Variants in CCDC171 observed in about 807,000 individuals in gnomAD.
CCDC171 encodes the protein coiled-coil domain containing 171.
In CCDC171, 177 loss-of-function variants were observed where a neutral mutation model predicts 168.2. The ratio of observed to expected loss-of-function variants is 1.05; its 90% CI spans 0.93 to 1.19. The LOEUF (loss-of-function observed/expected upper bound fraction) is 1.19. CCDC171 is among the 50% of genes most tolerant of loss of function. The pLI is 0.00. For synonymous variants in CCDC171, 687 were observed against 540.8 expected (o/e 1.27, Z -3.75); for missense variants, 1,991 against 1,539.0 (o/e 1.29, Z -4.91).
At chr9:15,624,157 A>C (rs1253737833) in intron 7 of CCDC171, among the ~76,000 whole-genome samples, 2 of 152,152 alleles carry the variant, frequency 1.3e-5, no homozygotes. Flanking sequence ...AGCAATAAGG[A>C]TTATAACTTT....
downstream of CCDC171, among the ~76,000 whole-genome samples, chr9:16,065,380 C>A (rs1347339842): frequency 6.6e-6 from 1 of 152,070 alleles, no homozygotes; most frequent in Non-Finnish European, 1.5e-5. Context: ...CACCTCGGGG[C>A]TAATGGGAGA....
At chr9:15,807,317 G>A (rs1426427471) in intron 21 of CCDC171, among the ~76,000 whole-genome samples, 2 of 152,204 alleles carry the variant, frequency 1.3e-5, no homozygotes, top group African/African-American at 2.4e-5. Flanking sequence ...CAGAGTTCTT[G>A]CATTGGCTCT....
intron 18 of CCDC171, among the ~76,000 whole-genome samples, chr9:15,747,578 T>C (rs1326936911): frequency 6.6e-6 from 1 of 152,210 alleles, no homozygotes; most frequent in Admixed American, 6.5e-5. Flanking sequence ...CTTGCTGTTT[T>C]GCAGCCTCCG....
exon 6 of CCDC171, chr9:16,022,864 C>A (rs1237738534): frequency 1.3e-5 from 2 of 152,234 alleles, no homozygotes; most frequent in Non-Finnish European, 2.9e-5. Context: ...AGTGCAAAAC[C>A]TCAGGGTGCT....
chr9:16,020,652 C>G (rs1239713488), exon 4 of CCDC171: 1 of 154,386 alleles, frequency 6.5e-6, no homozygotes, highest in Non-Finnish European at 1.5e-5. Context: ...AACACAAGTA[C>G]TGTGACATGG....
At chr9:15,815,149 T>C (rs1293514132) in intron 21 of CCDC171, among the ~76,000 whole-genome samples, 1 of 152,328 alleles carries the variant, frequency 6.6e-6, no homozygotes, top group East Asian at 1.9e-4. Flanking sequence ...ATCTGCTTAC[T>C]TCTGCTATCT....
chr9:15,591,779 A>G (rs1419843854), intron 5 of CCDC171, among the ~76,000 whole-genome samples: 5 of 152,108 alleles, frequency 3.3e-5, no homozygotes, highest in African/African-American at 1.2e-4. Context: ...GCTAATCAAA[A>G]TGTTAAAAGC....
chr9:16,007,606 A>T (rs13292815), intron 3 of CCDC171, among the ~76,000 whole-genome samples: 50 of 152,088 alleles, frequency 3.3e-4, no homozygotes, highest in Non-Finnish European at 4.7e-4. Flanking sequence ...AATTAATTTT[A>T]GTATAAGGTG....
At chr9:15,701,014 C>G (rs754536489) in intron 11 of CCDC171, among the ~76,000 whole-genome samples, 1 of 151,968 alleles carries the variant, frequency 6.6e-6, no homozygotes, top group Admixed American at 6.6e-5. Context: ...AAAATATACT[C>G]ATTGGCCATT....
chr9:15,951,767 C>G lies in CCDC171; in HGVS notation c.3754-19842C>G, dbSNP rs1829208954. ...TTCTATATATTCTGGATATAAATCC[C>G]TTAACAGATACATGATTTGCAAGTA... On this transcript the variant is annotated intron_variant, in intron 25 of 25. Transcript: ENST00000380701. 1.3e-5 allele frequency among the ~76,000 whole-genome samples: 2 copies of G among 152,018 alleles called. 1 individual carries two copies. The highest frequency in any genetic ancestry group is 4.8e-5 in the African/African-American group (2 of 41,422).
At chr9:15,659,203 C>G (rs1489236064) in intron 8 of CCDC171, among the ~76,000 whole-genome samples, 4 of 152,104 alleles carry the variant, frequency 2.6e-5, no homozygotes, top group Admixed American at 1.3e-4. Context: ...TGAACAGATC[C>G]TTTCTTTATA....
chr9:16,007,682 A>G (rs1233144962), intron 3 of CCDC171, among the ~76,000 whole-genome samples: 2 of 152,224 alleles, frequency 1.3e-5, no homozygotes, highest in Non-Finnish European at 2.9e-5. Context: ...CCATTTATTA[A>G]TAGGGAATCC....
intron 24 of CCDC171, among the ~76,000 whole-genome samples, chr9:15,905,380 G>A (rs185930489): frequency 2.8e-4 from 43 of 152,214 alleles, no homozygotes; most frequent in African/African-American, 7.5e-4. Context: ...ACTCACAACC[G>A]CTCAACTACA....
chr9:15,881,060 C>T (rs542467318), intron 24 of CCDC171, among the ~76,000 whole-genome samples: 13 of 152,144 alleles, frequency 8.5e-5, no homozygotes, highest in African/African-American at 2.9e-4. Context: ...ATCTAAATGT[C>T]CTAGATATGG....
chr9:15,711,888 A>T (rs1330114822), intron 11 of CCDC171, among the ~76,000 whole-genome samples: 2 of 152,150 alleles, frequency 1.3e-5, no homozygotes, highest in East Asian at 1.9e-4. Flanking sequence ...CCCATACCCT[A>T]TTGCTTTGCT....
chr9:15,922,584 A>T (rs1313988141), intron 25 of CCDC171, among the ~76,000 whole-genome samples: 3 of 151,638 alleles, frequency 2.0e-5, no homozygotes, highest in Non-Finnish European at 3.0e-5. Flanking sequence ...TTGGATATAT[A>T]CCCAGTTGTG....
chr9:15,861,648 C>T (rs1241639990), intron 23 of CCDC171, among the ~76,000 whole-genome samples: 1 of 151,724 alleles, frequency 6.6e-6, no homozygotes, highest in African/African-American at 2.4e-5. Context: ...CTCCTCCTAC[C>T]TTCACATTTT....
chr9:15,668,527 A>C (rs2048888237), intron 9 of CCDC171, among the ~76,000 whole-genome samples: 3 of 152,130 alleles, frequency 2.0e-5, no homozygotes, highest in Non-Finnish European at 4.4e-5. Flanking sequence ...TATCTTCTTC[A>C]TCTGTATATA....
intron 24 of CCDC171, among the ~76,000 whole-genome samples, chr9:15,904,415 C>T (rs1401901701): frequency 2.0e-5 from 3 of 152,030 alleles, no homozygotes; most frequent in Non-Finnish European, 4.4e-5. Context: ...TCTTATCCAG[C>T]CAAACTAAGC....
Sources: allele counts gnomAD v4.1 joint callset (sites outside exome capture counted in the v4.1 genomes callset), GRCh38; gene constraint gnomAD v4.1.1; transcripts MANE v1.5; gene names NCBI Gene and HGNC (gene_info 2026-07-23, HGNC 2026-07-21).